The following MARCHF3 variants were observed in gnomAD, a reference collection of about 807,000 sequenced individuals.
MARCHF3 encodes the protein membrane associated ring-CH-type finger 3, also known as E3 ubiquitin-protein ligase MARCHF3.
MARCHF3 carries 13 observed loss-of-function variants against 24.2 expected under a neutral mutation model. That is an observed-to-expected ratio of 0.54 (90% CI 0.35 to 0.85). The LOEUF (loss-of-function observed/expected upper bound fraction) is 0.85. Among genes scored for constraint, MARCHF3 ranks in the 40% least tolerant of loss-of-function variants. The pLI is 0.01. For synonymous variants in MARCHF3, 144 were observed against 137.3 expected, an observed-to-expected ratio of 1.05 and a Z score of -0.34; for missense variants, 276 against 325.0, an observed-to-expected ratio of 0.85 and a Z score of 1.16.
chr5:126,960,631 G>A (rs1750609072), intron 1 of MARCHF3, among the ~76,000 whole-genome samples: 1 of 152,122 alleles, frequency 6.6e-6, no homozygotes, highest in Admixed American at 6.5e-5. Flanking sequence ...CAGCTGTAAA[G>A]TAACATTAGA....
intron 1 of MARCHF3, among the ~76,000 whole-genome samples, chr5:127,010,054 C>T (rs1160457540): frequency 6.6e-6 from 1 of 152,180 alleles, no homozygotes; most frequent in Non-Finnish European, 1.5e-5. Context: ...CTCCTGGTGA[C>T]TTTCTACATC....
intron 4 of MARCHF3, among the ~76,000 whole-genome samples, chr5:126,873,851 A>G (rs1251670548): frequency 1.3e-5 from 2 of 152,222 alleles, no homozygotes; most frequent in Non-Finnish European, 2.9e-5. Flanking sequence ...GTTGAGCACA[A>G]CGCCAAGGAG....
intron 1 of MARCHF3, among the ~76,000 whole-genome samples, chr5:127,020,109 G>A (rs958762570): frequency 5.9e-5 from 9 of 152,166 alleles, no homozygotes; most frequent in Non-Finnish European, 8.8e-5. Context: ...CTTTCCCTAC[G>A]TGCTTAATAA....
At chr5:126,877,606 TTGG>T (rs1331808264) in intron 4 of MARCHF3, among the ~76,000 whole-genome samples, 1 of 152,190 alleles carries the variant, frequency 6.6e-6, no homozygotes, top group African/African-American at 2.4e-5. Context: ...TGGCCTTTCT[TTGG>T]TGGCAGCTTC....
At chr5:126,895,043 G>C (rs543764757) in intron 3 of MARCHF3, among the ~76,000 whole-genome samples, 1 of 151,712 alleles carries the variant, frequency 6.6e-6, no homozygotes, top group Non-Finnish European at 1.5e-5. Context: ...TTCCCTTCTC[G>C]CTTCATTTCA....
intron 3 of MARCHF3, among the ~76,000 whole-genome samples, chr5:126,900,048 G>A (rs920613471): frequency 2.0e-5 from 3 of 152,062 alleles, no homozygotes; most frequent in African/African-American, 7.3e-5. Context: ...AATCCTCTGT[G>A]CTCCACCTTT....
intron 1 of MARCHF3, among the ~76,000 whole-genome samples, chr5:126,929,479 C>T (rs1419819060): frequency 1.3e-5 from 2 of 152,142 alleles, no homozygotes; most frequent in Non-Finnish European, 2.9e-5. Context: ...GGGAGCTATC[C>T]AATTATGCTT....
intron 3 of MARCHF3, among the ~76,000 whole-genome samples, chr5:126,903,555 CAA>C (rs1754177069): frequency 6.6e-6 from 1 of 151,960 alleles, no homozygotes; most frequent in South Asian, 2.1e-4. Context: ...AGTTTTACTT[CAA>C]TGAATATTAA....
intron 4 of MARCHF3, among the ~76,000 whole-genome samples, chr5:126,872,767 GGTTGA>G (rs1387912578): frequency 1.3e-5 from 2 of 152,232 alleles, no homozygotes; most frequent in East Asian, 3.9e-4. Flanking sequence ...TGCCAGAGAG[GGTTGA>G]GTATGAAAAT....
chr5:127,015,560 T>TG (rs1346236541), intron 1 of MARCHF3, among the ~76,000 whole-genome samples: 2 of 152,200 alleles, frequency 1.3e-5, no homozygotes, highest in Non-Finnish European at 2.9e-5. Flanking sequence ...GGTCCCAAGC[T>TG]GAAAGCCATA....
rs184226609 is a variant in MARCHF3, at chr5:127,008,989, C to T, written c.-57+21361G>A. ...AGAGGAGGTGTTATTTTTATAGCAG[C>T]AGGATCTGGTTACCTATAAGCAAAA... On this transcript the variant is annotated intron_variant, in intron 1 of 4. Transcript: ENST00000308660. Among the ~76,000 whole-genome samples, 12 of 151,938 alleles carry T rather than the reference C, an allele frequency of 7.9e-5. No homozygotes were observed. In the East Asian group the frequency reaches 2.3e-3, roughly 29 times the overall value.
chr5:126,968,708 G>A (rs962579711), intron 1 of MARCHF3, among the ~76,000 whole-genome samples: 1 of 152,016 alleles, frequency 6.6e-6, no homozygotes, highest in Non-Finnish European at 1.5e-5. Flanking sequence ...CAGAGTAGCT[G>A]GGATTACAGG....
intron 4 of MARCHF3, among the ~76,000 whole-genome samples, chr5:126,871,848 A>C (rs1217326936): frequency 6.6e-6 from 1 of 151,906 alleles, no homozygotes; most frequent in East Asian, 2.0e-4. Flanking sequence ...CCGGGATTAC[A>C]GGCATACGCC....
chr5:126,973,953 A>G (rs1751108387), intron 1 of MARCHF3, among the ~76,000 whole-genome samples: 1 of 130,274 alleles, frequency 7.7e-6, no homozygotes, highest in Admixed American at 9.6e-5. Context: ...TGCGGACTGC[A>G]GTGGCACAAT....
chr5:127,019,290 G>A (rs76019059), intron 1 of MARCHF3, among the ~76,000 whole-genome samples: 1,853 of 152,202 alleles, frequency 0.012, 22 homozygotes, highest in South Asian at 0.027. Context: ...TCCAAGTCAC[G>A]ACAAGTAGTA....
rs143368126 is a variant in MARCHF3, at chr5:127,028,723, T to G, written c.-57+1627A>C. ...ATTTCTGGAGGGATTTTTTTTTCTC[T>G]CCTACAAGCTCCCCCTCCCCAAGCC... On this transcript the variant is annotated intron_variant, in intron 1 of 4. Transcript: ENST00000308660. 3.9e-5 allele frequency among the ~76,000 whole-genome samples: 6 copies of G among 152,212 alleles called. No homozygotes were observed. The East Asian group carries it at 1.2e-3, about 29-fold the overall frequency.
intron 3 of MARCHF3, among the ~76,000 whole-genome samples, chr5:126,902,382 G>A (rs1048310869): frequency 5.3e-5 from 8 of 152,246 alleles, no homozygotes; most frequent in African/African-American, 1.9e-4. Context: ...TCTGCTCACA[G>A]AAGTCCTTGG....
chr5:126,938,397 G>T (rs774062091), intron 1 of MARCHF3, among the ~76,000 whole-genome samples: 2 of 151,728 alleles, frequency 1.3e-5, no homozygotes, highest in African/African-American at 2.4e-5. Flanking sequence ...CAAATTCCTG[G>T]CCTCATGTGA....
At chr5:126,988,843 A>T (rs898184984) in intron 1 of MARCHF3, among the ~76,000 whole-genome samples, 2 of 152,176 alleles carry the variant, frequency 1.3e-5, no homozygotes, top group Non-Finnish European at 2.9e-5. Flanking sequence ...ATGGCTTTTC[A>T]TTATAAGCAT....
Sources: allele counts gnomAD v4.1 joint callset (sites outside exome capture counted in the v4.1 genomes callset), GRCh38; gene constraint gnomAD v4.1.1; transcripts MANE v1.5; gene names NCBI Gene and HGNC (gene_info 2026-07-23, HGNC 2026-07-21).